The following CUX1 variants were observed in gnomAD, a reference collection of about 807,000 sequenced individuals.
The protein encoded by CUX1 is protein CASP.
A neutral mutation model predicts 158.8 loss-of-function variants in CUX1; 31 were observed. The ratio of observed to expected loss-of-function variants is 0.20; its 90% confidence interval spans 0.15 to 0.26. CUX1 has a LOEUF of 0.26. CUX1 is among the 10% of genes least tolerant of loss of function. CUX1 has a pLI of 1.00. For missense variants in CUX1, 1,589 were observed against 2,014.6 expected (o/e 0.79, Z 4.04); for synonymous variants, 879 against 862.1 (o/e 1.02, Z -0.34).
intron 21 of CUX1, among the ~76,000 whole-genome samples, chr7:102,230,734 C>T (rs1798870354): frequency 6.6e-6 from 1 of 152,128 alleles, no homozygotes; most frequent in African/African-American, 2.4e-5. Flanking sequence ...CCCATATGTT[C>T]ATCAGTTATT....
chr7:102,265,182 C>A (rs1183077111), intron 14 of CUX1, among the ~76,000 whole-genome samples: 4 of 151,998 alleles, frequency 2.6e-5, no homozygotes, highest in Non-Finnish European at 4.4e-5. Flanking sequence ...ATGAAGAAAC[C>A]CTGTCTCTAC....
intron 13 of CUX1, among the ~76,000 whole-genome samples, chr7:102,194,748 C>A (rs1035342903): frequency 3.3e-5 from 5 of 151,832 alleles, no homozygotes; most frequent in African/African-American, 1.2e-4. Flanking sequence ...CCAGACCAAG[C>A]ATGGTGGCTC....
intron 5 of CUX1, among the ~76,000 whole-genome samples, chr7:102,100,696 A>G (rs909376284): frequency 2.0e-5 from 3 of 152,084 alleles, no homozygotes; most frequent in African/African-American, 7.2e-5. Flanking sequence ...GGCCAGCACA[A>G]TGGCTCATGC....
intron 2 of CUX1, among the ~76,000 whole-genome samples, chr7:101,924,204 C>T (rs1490674549): frequency 2.0e-5 from 3 of 151,500 alleles, no homozygotes; most frequent in Non-Finnish European, 2.9e-5. Context: ...TTTTATGATT[C>T]GTTTTTCACT....
chr7:102,255,560 GTAATTTC>G lies in CUX1; in HGVS notation c.*6520_*6526del. On this transcript the variant is annotated 3_prime_UTR_variant, in exon 24 of 24. Transcript: ENST00000292535. ...TAAGAAAGCATTAGTCTACGTTACT[GTAATTTC>G]TGTAGTGTTTACGCTTTAATTTCTA... The G allele has an allele frequency of 1.0e-6, 1 of 985,370 alleles. No individual in the cohort carries two copies. Among genetic ancestry groups the G allele is most frequent in the Non-Finnish European group, 1.2e-6 (1 of 829,920 alleles). 61.0% of individuals were successfully genotyped at this position (985,370 alleles called of 1,614,324 possible).
intron 2 of CUX1, among the ~76,000 whole-genome samples, chr7:101,942,147 G>A (rs918427624): frequency 2.0e-5 from 3 of 152,158 alleles, no homozygotes; most frequent in Admixed American, 6.5e-5. Context: ...GGTTTAGCTC[G>A]AGGGTTGGAG....
intron 1 of CUX1, among the ~76,000 whole-genome samples, chr7:101,878,898 C>T (rs1422336763): frequency 3.3e-5 from 5 of 152,180 alleles, no homozygotes; most frequent in Non-Finnish European, 7.3e-5. Flanking sequence ...TCTCAAACTC[C>T]TGACCTCAGG....
intron 1 of CUX1, among the ~76,000 whole-genome samples, chr7:101,866,842 CA>C (rs1211752238): frequency 3.3e-5 from 5 of 152,160 alleles, no homozygotes; most frequent in African/African-American, 9.7e-5. Flanking sequence ...TTATTGACTT[CA>C]AAACCTACAA....
At chr7:101,817,254 G>T (rs537974616), upstream of CUX1, 112 of 984,764 alleles carry the variant, frequency 1.1e-4, no homozygotes, top group African/African-American at 1.9e-3. The surrounding 1 kb of genome is among the most constrained non-coding windows in gnomAD (Gnocchi z 4.1). Context: ...GCGCGCCTGG[G>T]GGCTCCGGCG....
In CUX1 at chr7:102,256,873, G is replaced by T. The variant is rs571414655; in HGVS notation, c.*7831G>T. The T allele has an allele frequency of 5.1e-6, 5 of 985,448 alleles. No individual in the cohort carries two copies. The African/African-American group carries it at 8.7e-5, about 17-fold the overall frequency. The allele number at this position is 985,448 out of a possible 1,614,324, so 61.0% of individuals were successfully genotyped here. The stretch of plus-strand genomic sequence containing the variant: ...GATACGTTTTGGTTGGTTTTTTGTT[G>T]TTGTTTTTCTTGCGTACAAAGTTGG... On this transcript the variant is annotated 3_prime_UTR_variant, in exon 24 of 24. Transcript: ENST00000292535.
intron 1 of CUX1, among the ~76,000 whole-genome samples, chr7:101,876,841 T>C (rs1289920004): frequency 6.6e-6 from 1 of 152,220 alleles, no homozygotes; most frequent in Non-Finnish European, 1.5e-5. Flanking sequence ...CTTGAACTCC[T>C]GACCTCAAGT....
intron 8 of CUX1, among the ~76,000 whole-genome samples, chr7:102,116,583 G>A (rs1477815948): frequency 6.6e-6 from 1 of 152,108 alleles, no homozygotes; most frequent in African/African-American, 2.4e-5. Flanking sequence ...AGTTGAGGCT[G>A]CAGTGAGCTG....
At chr7:101,976,828 G>A (rs760878188) in intron 2 of CUX1, among the ~76,000 whole-genome samples, 21 of 148,558 alleles carry the variant, frequency 1.4e-4, no homozygotes, top group Admixed American at 9.4e-4. Context: ...CCAACTTCCC[G>A]AGATTTAAAT....
chr7:102,178,722 A>G (rs974733110), intron 11 of CUX1, 65 bp downstream of exon 11: 112 of 1,468,856 alleles, frequency 7.6e-5, no homozygotes, highest in Non-Finnish European at 9.7e-5. Flanking sequence ...ACACACGCGC[A>G]CACACACACC....
chr7:102,248,758 GCCGCGC>G lies in CUX1; in HGVS notation c.4240_4245del (p.Pro1414_Ala1415del), dbSNP rs1801112729. 2 of 1,035,154 alleles carry G rather than the reference GCCGCGC, an allele frequency of 1.9e-6. No homozygotes were observed. The highest frequency in any genetic ancestry group is 2.3e-6 in the Non-Finnish European group (2 of 861,850). The allele number at this position is 1,035,154 out of a possible 1,614,324, so 64.1% of individuals were successfully genotyped here. A position where few individuals can be genotyped will look rare whatever the true frequency, so the allele number is the denominator to read the frequency against. On this transcript the variant is annotated inframe_deletion, in exon 24 of 24. Transcript: ENST00000292535. This position sits in a 1 kb window ranked among gnomAD's most constrained non-coding sequence, Gnocchi z 5.8. ...CAGCCCCGCCTCCGCGACCGCCACC[GCCGCGC>G]CCGCGGCCCCCGAGGACGCCGCTAC...
At chr7:102,281,544 T>TC (rs1792060833) in intron 20 of CUX1, among the ~76,000 whole-genome samples, 1 of 152,092 alleles carries the variant, frequency 6.6e-6, no homozygotes, top group African/African-American at 2.4e-5. Context: ...ACACCTGTAA[T>TC]CCCAGCTACT....
chr7:102,254,099 G>A lies in CUX1; in HGVS notation c.*5057G>A, dbSNP rs1177940110. 3.6e-5 allele frequency: 35 copies of A among 985,306 alleles called. No individual in the cohort carries two copies. Among genetic ancestry groups the A allele is most frequent in the South Asian group, 2.8e-4 (6 of 21,280 alleles). The allele number at this position is 985,306 out of a possible 1,614,324, so 61.0% of individuals were successfully genotyped here. On this transcript the variant is annotated 3_prime_UTR_variant, in exon 24 of 24. Coordinates refer to ENST00000292535, the MANE Select transcript of CUX1 (RefSeq NM_181552.4). ...GTCTCTCCTTTTGTGAGCGCAACACGGACAAACAGCTGTGCTCTGCAAGGC... is the reference window on the plus strand; with the variant it reads ...GTCTCTCCTTTTGTGAGCGCAACACAGACAAACAGCTGTGCTCTGCAAGGC...
chr7:102,275,288 G>A lies in CUX1; in HGVS notation c.1492G>A (p.Val498Met), dbSNP rs781963446. Residue 498 changes from valine to methionine, a missense_variant, in exon 17 of 23, where the codon GTG becomes ATG. Coordinates refer to the CUX1 transcript ENST00000292538. Reference sequence around the variant, plus strand: ...CAGCGGTGCCCTCCCAGAGGGCCAGGTGGATTCACTGCTTTCCATCATCTC... The same window carrying A: ...CAGCGGTGCCCTCCCAGAGGGCCAGATGGATTCACTGCTTTCCATCATCTC... 1.9e-6 allele frequency: 3 copies of A among 1,612,102 alleles called. No homozygotes were observed. The South Asian group carries it at 3.3e-5, about 18-fold the overall frequency.
At chr7:101,935,564 G>A (rs888359086) in intron 2 of CUX1, among the ~76,000 whole-genome samples, 1 of 152,240 alleles carries the variant, frequency 6.6e-6, no homozygotes, top group East Asian at 1.9e-4. Flanking sequence ...TCCTGGCCCA[G>A]CTGGGGAGGT....
Sources: allele counts gnomAD v4.1 joint callset (sites outside exome capture counted in the v4.1 genomes callset), GRCh38; gene constraint gnomAD v4.1.1; non-coding constraint Gnocchi (gnomAD v3.1); transcripts MANE v1.5; gene names NCBI Gene and HGNC (gene_info 2026-07-23, HGNC 2026-07-21).